RARB: variants seen among roughly 807,000 people sequenced by gnomAD.
RARB encodes HBV-activated protein.
A neutral mutation model predicts 51.9 loss-of-function variants in RARB; 17 were observed. That is an observed-to-expected ratio of 0.33 (90% CI 0.22 to 0.49). The LOEUF (loss-of-function observed/expected upper bound fraction) is 0.49. RARB is among the 20% of genes least tolerant of loss of function. The pLI is 0.99. For missense variants in RARB, 369 were observed against 550.8 expected (o/e 0.67, Z 3.30); for synonymous variants, 215 against 195.4 (o/e 1.10, Z -0.84).
chr3:25,112,620 TAAAA>T (rs1317809829), intron 3 of RARB, among the ~76,000 whole-genome samples: 1 of 151,574 alleles, frequency 6.6e-6, no homozygotes, highest in Non-Finnish European at 1.5e-5. Flanking sequence ...CTACAAATAA[TAAAA>T]AAAATTAGTT....
chr3:25,000,215 A>C (rs2125274587), intron 2 of RARB, among the ~76,000 whole-genome samples: 1 of 152,280 alleles, frequency 6.6e-6, no homozygotes, highest in South Asian at 2.1e-4. Flanking sequence ...TAGTTCCATC[A>C]GTTTGAGGTA....
At chr3:25,192,419 T>C (rs1043633121) in intron 5 of RARB, among the ~76,000 whole-genome samples, 1 of 152,126 alleles carries the variant, frequency 6.6e-6, no homozygotes, top group African/African-American at 2.4e-5. Flanking sequence ...GAGCATAAGA[T>C]ACACCTATTC....
At chr3:25,536,153 C>T (rs1176650067) in intron 3 of RARB, among the ~76,000 whole-genome samples, 2 of 152,102 alleles carry the variant, frequency 1.3e-5, no homozygotes, top group Non-Finnish European at 2.9e-5. Flanking sequence ...CAGTAGAACC[C>T]AACTCTTAGA....
chr3:25,477,813 A>G (rs1277998571), intron 2 of RARB, among the ~76,000 whole-genome samples: 1 of 152,154 alleles, frequency 6.6e-6, no homozygotes, highest in African/African-American at 2.4e-5. Flanking sequence ...TGGCTCACAG[A>G]TTGTGGGTCA....
intron 3 of RARB, among the ~76,000 whole-genome samples, chr3:25,087,073 A>C (rs1237556625): frequency 6.6e-6 from 1 of 152,094 alleles, no homozygotes; most frequent in Admixed American, 6.6e-5. Context: ...GGGGTAATAT[A>C]ATTCGATTTT....
chr3:25,323,527 AT>A (rs1270449001), intron 5 of RARB, among the ~76,000 whole-genome samples: 1 of 152,244 alleles, frequency 6.6e-6, no homozygotes, highest in Non-Finnish European at 1.5e-5. Flanking sequence ...CTTATAACAT[AT>A]TCAAAATCTT....
intron 4 of RARB, among the ~76,000 whole-genome samples, chr3:25,150,841 T>C (rs1252781464): frequency 1.3e-5 from 2 of 152,216 alleles, no homozygotes; most frequent in Non-Finnish European, 2.9e-5. Context: ...GTGTTGGCTC[T>C]CTTTAGGAAA....
intron 2 of RARB, among the ~76,000 whole-genome samples, chr3:24,935,316 T>C (rs764821190): frequency 3.9e-5 from 6 of 152,158 alleles, no homozygotes; most frequent in Non-Finnish European, 7.4e-5. Flanking sequence ...GTACTTAATT[T>C]ATTTCCTTCC....
intron 5 of RARB, among the ~76,000 whole-genome samples, chr3:25,339,017 T>G (rs957802363): frequency 6.6e-6 from 1 of 152,232 alleles, no homozygotes; most frequent in Non-Finnish European, 1.5e-5. Flanking sequence ...CACCTGAGAC[T>G]GTAATAGCAA....
chr3:25,223,309 T>C lies in RARB; in HGVS notation c.178+48734T>C, dbSNP rs2125385867. ...ATCTGTGTTGTTGTATGTATTCATATTATGTTCGCTTTTATTGCTGAACAG... is the reference window on the plus strand; with the variant it reads ...ATCTGTGTTGTTGTATGTATTCATACTATGTTCGCTTTTATTGCTGAACAG... On this transcript the variant is annotated intron_variant, in intron 5 of 11. Transcript: ENST00000383772. Among the ~76,000 whole-genome samples, 3 of 152,334 alleles carry C rather than the reference T, an allele frequency of 2.0e-5. No homozygotes were observed. In the South Asian group the frequency reaches 6.2e-4, roughly 32 times the overall value.
chr3:25,003,903 T>C (rs2125276360), intron 2 of RARB, among the ~76,000 whole-genome samples: 1 of 152,242 alleles, frequency 6.6e-6, no homozygotes, highest in East Asian at 1.9e-4. Context: ...AGCACTGAGC[T>C]TTTTCCTGGC....
chr3:25,539,506 A>T (rs1390511183), intron 3 of RARB, among the ~76,000 whole-genome samples: 1 of 131,054 alleles, frequency 7.6e-6, no homozygotes, highest in African/African-American at 3.0e-5. Context: ...CCACAGACTC[A>T]CCACCTGGCC....
chr3:24,859,978 T>C (rs1702716643), intron 2 of RARB, among the ~76,000 whole-genome samples: 1 of 151,736 alleles, frequency 6.6e-6, no homozygotes, highest in South Asian at 2.1e-4. Context: ...CAAAAAAAAA[T>C]GGGTGGAAGG....
chr3:25,250,742 G>C (rs911572171), intron 5 of RARB, among the ~76,000 whole-genome samples: 2 of 152,150 alleles, frequency 1.3e-5, no homozygotes, highest in African/African-American at 4.8e-5. Flanking sequence ...TAGCTGCTTA[G>C]GACTTGGCGG....
intron 2 of RARB, among the ~76,000 whole-genome samples, chr3:24,921,560 G>C (rs1695216606): frequency 6.6e-6 from 1 of 152,174 alleles, no homozygotes; most frequent in Non-Finnish European, 1.5e-5. Flanking sequence ...TGAGCTTCCT[G>C]CCTCGCTCTT....
chr3:24,956,922 A>G (rs1316202962), intron 2 of RARB, among the ~76,000 whole-genome samples: 1 of 152,246 alleles, frequency 6.6e-6, no homozygotes, highest in African/African-American at 2.4e-5. Flanking sequence ...TACAGTTGCA[A>G]CAGCCAGTAC....
intron 2 of RARB, among the ~76,000 whole-genome samples, chr3:25,024,365 G>T (rs545062972): frequency 2.0e-4 from 31 of 152,206 alleles, no homozygotes; most frequent in African/African-American, 7.5e-4. Context: ...AGTGTGAATT[G>T]CCCTAACTTT....
intron 3 of RARB, among the ~76,000 whole-genome samples, chr3:25,108,074 A>G (rs1699539685): frequency 6.6e-6 from 1 of 152,154 alleles, no homozygotes; most frequent in African/African-American, 2.4e-5. Context: ...TAAATGACTA[A>G]TGGGTGGGTA....
At chr3:24,908,509 G>C (rs1465215769) in intron 2 of RARB, among the ~76,000 whole-genome samples, 5 of 151,970 alleles carry the variant, frequency 3.3e-5, no homozygotes, top group Admixed American at 2.6e-4. Context: ...ATGCAGCTTA[G>C]TTCAACATAA....
Sources: gnomAD v4.1 joint callset for allele counts (sites outside exome capture counted in the v4.1 genomes callset) on GRCh38, gnomAD v4.1.1 for gene constraint, MANE v1.5 for transcripts, NCBI Gene and HGNC (gene_info 2026-07-23, HGNC 2026-07-21) for gene names.